Variants in GPR65 observed in about 807,000 individuals in gnomAD.
GPR65 encodes the protein G protein-coupled receptor 65.
A neutral mutation model predicts 0.7 loss-of-function variants in GPR65; 2 were observed. The ratio of observed to expected loss-of-function variants is 2.83; its 90% CI spans 1.16 to 8.92. The LOEUF is 8.92. Among genes scored for constraint, GPR65 ranks in the 30% most tolerant of loss-of-function variants. The pLI is 0.04. For missense variants in GPR65, 379 were observed against 399.4 expected (o/e 0.95, Z 0.43); for synonymous variants, 128 against 146.5 (o/e 0.87, Z 0.91).
At chr14:88,006,436 G>A (rs184591642) in intron 1 of GPR65, among the ~76,000 whole-genome samples, 24 of 152,230 alleles carry the variant, frequency 1.6e-4, no homozygotes, top group Non-Finnish European at 3.2e-4. Context: ...CAGAGCCCAC[G>A]CTCTTAACCA....
chr14:88,007,200 C>A (rs1395583357), intron 1 of GPR65, among the ~76,000 whole-genome samples: 1 of 151,850 alleles, frequency 6.6e-6, no homozygotes, highest in Non-Finnish European at 1.5e-5. Context: ...TGTTTTTAAT[C>A]CTATTTGGGA....
At position 88,010,753 on chromosome 14, in the gene GPR65, A is replaced by G; in HGVS notation, c.-95A>G. The stretch of plus-strand genomic sequence containing the variant: ...AAAATTGAAAAAGAATTCTCAGTAA[A>G]AGCGAATTCGATGTTCAAAACAAAC... On this transcript the variant is annotated 5_prime_UTR_variant, in exon 2 of 2. Transcript: ENST00000267549. The G allele has an allele frequency of 1.3e-6, 1 of 791,780 alleles. No homozygotes were observed. Among genetic ancestry groups the G allele is most frequent in the Non-Finnish European group, 2.1e-6 (1 of 482,690 alleles). 49.0% of individuals were successfully genotyped at this position (791,780 alleles called of 1,614,324 possible). A position where few individuals can be genotyped will look rare whatever the true frequency, so the allele number is the denominator to read the frequency against.
chr14:88,011,662 A>G lies in GPR65; in HGVS notation c.815A>G (p.Tyr272Cys). ...TCTGGGAAGCGAACTTACACAATGT[A>G]TAGAATCACGGTTGCATTAACAAGT... ...SNSGKRTYTM[Y>C]RITVALTSLN... The change falls in exon 2 of 2, where the codon TAT becomes TGT. Residue 272 changes from tyrosine to cysteine, a missense_variant. Coordinates refer to ENST00000267549, the MANE Select transcript of GPR65 (RefSeq NM_003608.4). The G allele has an allele frequency of 6.2e-7, 1 of 1,613,872 alleles. No homozygotes were observed. The highest frequency in any genetic ancestry group is 8.5e-7 in the Non-Finnish European group (1 of 1,179,760).
intron 1 of GPR65, among the ~76,000 whole-genome samples, chr14:88,008,093 C>T (rs1301890562): frequency 2.0e-5 from 3 of 152,036 alleles, no homozygotes; most frequent in Non-Finnish European, 4.4e-5. Context: ...GTGGGTAAAA[C>T]AGATGTTTGT....
At position 88,011,431 on chromosome 14, in the gene GPR65, C is replaced by G; in HGVS notation, c.584C>G (p.Pro195Arg). Residue 195 changes from proline (P) to arginine (R), a missense_variant, in exon 2 of 2, where the codon CCT becomes CGT. Coordinates refer to ENST00000267549, the MANE Select transcript of GPR65 (RefSeq NM_003608.4). ...LFRTCTGYAI[P>R]LVTILICNRK... ...AGGACGTGTACAGGCTATGCAATACCTTTGGTCACCATCCTGATCTGCAAC... is the reference window on the plus strand; with the variant it reads ...AGGACGTGTACAGGCTATGCAATACGTTTGGTCACCATCCTGATCTGCAAC... 6.2e-7 allele frequency: 1 copy of G among 1,614,038 alleles called. No homozygotes were observed. Among genetic ancestry groups the G allele is most frequent in the Non-Finnish European group, 8.5e-7 (1 of 1,179,966 alleles).
rs1442184325 is a variant in GPR65 at position 88,011,404 on chromosome 14, T to C, written c.557T>C (p.Phe186Ser). The C allele has an allele frequency of 6.2e-7, 1 of 1,614,002 alleles. No homozygotes were observed. The highest frequency in any genetic ancestry group is 1.3e-5 in the African/African-American group (1 of 74,930). ...LEKWQINLNL[F>S]RTCTGYAIPL... ...AAATGGCAAATCAACCTCAACTTGT[T>C]CAGGACGTGTACAGGCTATGCAATA... Residue 186 changes from phenylalanine to serine, a missense_variant, in exon 2 of 2, where the codon TTC becomes TCC. Phe to Ser is a radical substitution (Grantham distance 155). Transcript: ENST00000267549.
chr14:88,006,569 A>C (rs2139780346), intron 1 of GPR65, among the ~76,000 whole-genome samples: 1 of 152,346 alleles, frequency 6.6e-6, no homozygotes, highest in South Asian at 2.1e-4. Context: ...ATTCCATTGA[A>C]AACTTTATAA....
At position 88,011,275 on chromosome 14, in the gene GPR65, C is replaced by T; in HGVS notation, c.428C>T (p.Thr143Ile). Residue 143 changes from threonine to isoleucine, a missense_variant, in exon 2 of 2, where the codon ACC becomes ATC. Coordinates refer to ENST00000267549, the MANE Select transcript of GPR65 (RefSeq NM_003608.4). ...MVSLSIWILE[T>I]IFNAVMLWED... ...AGCCTGTCCATCTGGATATTGGAAACCATCTTCAATGCTGTCATGTTGTGG... is the reference window on the plus strand; with the variant it reads ...AGCCTGTCCATCTGGATATTGGAAATCATCTTCAATGCTGTCATGTTGTGG... The T allele has an allele frequency of 6.2e-7, 1 of 1,613,746 alleles. No individual in the cohort carries two copies. The highest frequency in any genetic ancestry group is 8.5e-7 in the Non-Finnish European group (1 of 1,179,746).
rs1212434539 is a variant in GPR65, at chr14:88,011,721, T to C, written c.874T>C (p.Phe292Leu). 1 of 1,613,894 alleles carries C rather than the reference T, an allele frequency of 6.2e-7. No homozygotes were observed. Among genetic ancestry groups the C allele is most frequent in the Non-Finnish European group, 8.5e-7 (1 of 1,179,848 alleles). Residue 292 changes from phenylalanine (F) to leucine (L), a missense_variant, in exon 2 of 2, where the codon TTT (phenylalanine) becomes CTT (leucine). Physicochemically the swap from Phe to Leu is conservative, Grantham distance 22 (BLOSUM62 0). Transcript: ENST00000267549. The stretch of plus-strand genomic sequence containing the variant: ...TGTTGCTGATCCAATTCTGTACTGT[T>C]TTGTAACCGAAACAGGAAGATATGA... ...NCVADPILYCFVTETGRYDMW... is the reference protein window; with the variant it reads ...NCVADPILYCLVTETGRYDMW...
chr14:88,009,296 C>T (rs150716803), intron 1 of GPR65, among the ~76,000 whole-genome samples: 2 of 152,104 alleles, frequency 1.3e-5, no homozygotes, highest in Admixed American at 6.5e-5. Context: ...AATTTTCCCC[C>T]CCTTTGGAAG....
At position 88,011,962 on chromosome 14, in the gene GPR65, T is replaced by C. The variant is rs755061743; in HGVS notation, c.*101T>C. On this transcript the variant is annotated 3_prime_UTR_variant, in exon 2 of 2. Transcript: ENST00000267549. ...AAATCTAGCATGTGAGGGGACTAAG[T>C]GTTCTCAGAGTGATGTTTTAATCCA... The C allele has an allele frequency of 2.4e-6, 2 of 830,484 alleles. No homozygotes were observed. Among genetic ancestry groups the C allele is most frequent in the Non-Finnish European group, 3.9e-6 (2 of 519,294 alleles). The allele number at this position is 830,484 out of a possible 1,614,324, so 51.4% of individuals were successfully genotyped here.
At chr14:88,008,329 C>A (rs1326120939) in intron 1 of GPR65, among the ~76,000 whole-genome samples, 1 of 152,172 alleles carries the variant, frequency 6.6e-6, no homozygotes, top group Non-Finnish European at 1.5e-5. Flanking sequence ...CAGTACTCAG[C>A]CTTTCCCCAG....
Position 88,012,572 on chromosome 14 carries a change from C to A in GPR65, c.*711C>A, listed in dbSNP as rs1887701586. ...AGGATTTTCATTACTCTGAACATTT[C>A]ATATAAATAGAATTATACAATATGT... is the stretch of plus-strand genomic sequence containing the variant. On this transcript the variant is annotated 3_prime_UTR_variant, in exon 2 of 2. Transcript: ENST00000267549. 6.6e-6 allele frequency: 1 copy of A among 152,314 alleles called. No individual in the cohort carries two copies. Among genetic ancestry groups the A allele is most frequent in the South Asian group, 2.1e-4 (1 of 4,830 alleles). The allele number at this position is 152,314 out of a possible 1,614,324, so 9.4% of individuals were successfully genotyped here. A position where few individuals can be genotyped will look rare whatever the true frequency, so the allele number is the denominator to read the frequency against.
Position 88,012,164 on chromosome 14 carries a change from T to C in GPR65, c.*303T>C. The C allele has an allele frequency of 5.2e-6, 1 of 191,382 alleles. No homozygotes were observed. 11.9% of individuals were successfully genotyped at this position (191,382 alleles called of 1,614,324 possible). On this transcript the variant is annotated 3_prime_UTR_variant, in exon 2 of 2. Transcript: ENST00000267549. ...AGAGTCAGTAAAGTATGTAGGGGAC[T>C]GTTTCTTCCTTTGTGTCTGGGTTTA...
Position 88,010,676 on chromosome 14 carries a change from A to T in GPR65, c.-172A>T, listed in dbSNP as rs1373954962. 2 of 583,466 alleles carry T rather than the reference A, an allele frequency of 3.4e-6. No individual in the cohort carries two copies. The highest frequency in any genetic ancestry group is 6.1e-6 in the Non-Finnish European group (2 of 329,220). The allele number at this position is 583,466 out of a possible 1,614,324, so 36.1% of individuals were successfully genotyped here. On this transcript the variant is annotated 5_prime_UTR_variant, in exon 2 of 2. Transcript: ENST00000267549. ...GATATCTGTGTAAAAATTGATCTAC[A>T]TCCACCCTTTAAAAGCATTGATGAA...
Position 88,011,001 on chromosome 14 carries a change from T to C in GPR65, c.154T>C (p.Tyr52His). ...QAKKESELGI[Y>H]LFSLSLSDLL... ...AAAGAAGGAAAGTGAACTAGGAATTTACCTCTTCAGTTTGTCACTATCAGA... is the reference window on the plus strand; with the variant it reads ...AAAGAAGGAAAGTGAACTAGGAATTCACCTCTTCAGTTTGTCACTATCAGA... The change falls in exon 2 of 2, where the codon TAC becomes CAC. Residue 52 changes from tyrosine (Y) to histidine (H), a missense_variant. Physicochemically the swap from Tyr to His is moderately conservative, Grantham distance 83. Coordinates refer to ENST00000267549, the MANE Select transcript of GPR65 (RefSeq NM_003608.4). 1 of 1,613,768 alleles carries C rather than the reference T, an allele frequency of 6.2e-7. No homozygotes were observed. The highest frequency in any genetic ancestry group is 8.5e-7 in the Non-Finnish European group (1 of 1,179,650).
intron 1 of GPR65, among the ~76,000 whole-genome samples, chr14:88,008,610 T>C (rs1331318640): frequency 6.6e-6 from 1 of 152,198 alleles, no homozygotes; most frequent in East Asian, 1.9e-4. Context: ...AATATTCTAA[T>C]TCTAGTACCT....
At chr14:88,005,885 C>T (rs1887588197) in intron 1 of GPR65, among the ~76,000 whole-genome samples, 1 of 152,030 alleles carries the variant, frequency 6.6e-6, no homozygotes, top group South Asian at 2.1e-4. Context: ...TTTTTGACAT[C>T]TGGTAAAAAT....
At chr14:88,009,615 T>G (rs997442725) in intron 1 of GPR65, among the ~76,000 whole-genome samples, 1 of 152,130 alleles carries the variant, frequency 6.6e-6, no homozygotes, top group Non-Finnish European at 1.5e-5. Flanking sequence ...CAAAGGGATA[T>G]AGACAAAGTA....
Sources: gnomAD v4.1 joint callset for allele counts (sites outside exome capture counted in the v4.1 genomes callset) on GRCh38, gnomAD v4.1.1 for gene constraint, MANE v1.5 for transcripts, NCBI Gene and HGNC (gene_info 2026-07-23, HGNC 2026-07-21) for gene names.